Variants in DNAAF5 observed in about 807,000 individuals in gnomAD.
The protein encoded by DNAAF5 is HEAT repeat containing 2.
In DNAAF5, 64 loss-of-function variants were observed where a neutral mutation model predicts 75.8. The ratio of observed to expected loss-of-function variants is 0.84; its 90% CI spans 0.69 to 1.04. The LOEUF (loss-of-function observed/expected upper bound fraction) is 1.04. DNAAF5 is among the 50% of genes least tolerant of loss of function. The pLI is 0.00. For synonymous variants in DNAAF5, 657 were observed against 557.2 expected, an observed-to-expected ratio of 1.18 and a Z score of -2.52; for missense variants, 1,269 against 1,178.5, an observed-to-expected ratio of 1.08 and a Z score of -1.12.
chr7:733,565 C>T (rs549172371), intron 2 of DNAAF5, among the ~76,000 whole-genome samples: 2 of 152,278 alleles, frequency 1.3e-5, no homozygotes, highest in South Asian at 4.2e-4. Context: ...GGTGCGATCT[C>T]TGCTTACTGC....
intron 9 of DNAAF5, among the ~76,000 whole-genome samples, chr7:773,693 A>G (rs948830143): frequency 1.4e-4 from 21 of 152,022 alleles, no homozygotes; most frequent in African/African-American, 4.8e-5. Flanking sequence ...ACACCACCGC[A>G]CCTGCCCTAG....
At chr7:767,102 G>A (rs377406672) in intron 8 of DNAAF5, among the ~76,000 whole-genome samples, 9 of 152,186 alleles carry the variant, frequency 5.9e-5, no homozygotes, top group South Asian at 4.1e-4. Context: ...AGCTGGGTGC[G>A]GTGGCGGGCG....
At chr7:771,947 A>G (rs1778578224) in intron 9 of DNAAF5, 1 of 127,978 alleles carries the variant, frequency 7.8e-6, no homozygotes, top group Admixed American at 7.8e-5. Flanking sequence ...CTATTTTAAT[A>G]GGAAAGATTT....
At chr7:738,019 C>A (rs761238135) in intron 2 of DNAAF5, among the ~76,000 whole-genome samples, 38 of 152,338 alleles carry the variant, frequency 2.5e-4, no homozygotes, top group Middle Eastern at 6.8e-3. Context: ...CGATTTCTCT[C>A]TACCTGCTCT....
intron 8 of DNAAF5, among the ~76,000 whole-genome samples, chr7:769,887 G>A (rs1778495003): frequency 6.6e-6 from 1 of 152,038 alleles, no homozygotes; most frequent in African/African-American, 2.4e-5. Context: ...GTGACCTCAG[G>A]TCACCCATCT....
At chr7:753,774 G>T (rs1027308268) in intron 4 of DNAAF5, among the ~76,000 whole-genome samples, 3 of 145,448 alleles carry the variant, frequency 2.1e-5, no homozygotes, top group African/African-American at 7.9e-5. Flanking sequence ...CTTCGCAGGC[G>T]TGTCTCTCTC....
At chr7:780,533 A>G (rs1356979260) in intron 12 of DNAAF5, among the ~76,000 whole-genome samples, 13 of 152,250 alleles carry the variant, frequency 8.5e-5, no homozygotes, top group Non-Finnish European at 1.6e-4. Flanking sequence ...GGACTTTCAC[A>G]TCTTCCATAC....
chr7:752,082 G>T (rs954962250), intron 4 of DNAAF5, among the ~76,000 whole-genome samples: 3 of 152,210 alleles, frequency 2.0e-5, no homozygotes, highest in African/African-American at 7.2e-5. Flanking sequence ...CTTTCAGACC[G>T]ATGAGCAGAA....
intron 7 of DNAAF5, among the ~76,000 whole-genome samples, chr7:762,776 G>T (rs965798998): frequency 6.6e-6 from 1 of 151,926 alleles, no homozygotes; most frequent in African/African-American, 2.4e-5. Context: ...ACCATACCCG[G>T]CTAATTTTTA....
At chr7:752,666 G>T (rs1296321576) in intron 4 of DNAAF5, among the ~76,000 whole-genome samples, 1 of 152,130 alleles carries the variant, frequency 6.6e-6, no homozygotes, top group African/African-American at 2.4e-5. Flanking sequence ...CGTGGGCCGG[G>T]CCACGCTTCC....
intron 11 of DNAAF5, 169 bp from the exon 12 acceptor site, chr7:779,784 G>T: frequency 1.6e-6 from 1 of 616,860 alleles, no homozygotes; most frequent in Non-Finnish European, 2.8e-6. Context: ...CAGGTCGCCA[G>T]GAGCACCTTG....
chr7:729,992 C>T, intron 2 of DNAAF5, 145 bp downstream of exon 2: 1 of 751,792 alleles, frequency 1.3e-6, no homozygotes, highest in Non-Finnish European at 2.1e-6. Context: ...CAGGACGTTC[C>T]TGTTCACATC....
Position 761,733 on chromosome 7 carries a change from G to C in DNAAF5, c.1471-20G>C. 1 of 1,586,750 alleles carries C rather than the reference G, an allele frequency of 6.3e-7. No individual in the cohort carries two copies. Among genetic ancestry groups the C allele is most frequent in the Non-Finnish European group, 8.6e-7 (1 of 1,167,726 alleles). ...GACCAAATTGTACCAAGCTCTGACG[G>C]TGCTGCCGGTCTCTTCCAGGACCTC... On this transcript the variant is annotated intron_variant, in intron 6 of 12. Coordinates refer to ENST00000297440, the MANE Select transcript of DNAAF5 (RefSeq NM_017802.4).
At chr7:770,761 C>T in intron 9 of DNAAF5, 143 bp downstream of exon 9, 2 of 746,428 alleles carry the variant, frequency 2.7e-6, no homozygotes, top group South Asian at 4.4e-5. Flanking sequence ...CCCCATCTCC[C>T]TCCCCCACAC....
chr7:729,700 C>T lies in DNAAF5; in HGVS notation c.633C>T (p.Pro211=), dbSNP rs1458338452. ...FHMQSESLIG[P]LMQTISHQHW... ...TGCAGTCGGAGTCTCTGATCGGGCC[C>T]CTGATGCAGACCATCTCCCACCAGC... is the stretch of plus-strand genomic sequence containing the variant. The change falls in exon 2 of 13, where the codon CCC becomes CCT. Residue 211 remains proline, a synonymous_variant. Coordinates refer to ENST00000297440, the MANE Select transcript of DNAAF5 (RefSeq NM_017802.4). 1 of 1,614,090 alleles carries T rather than the reference C, an allele frequency of 6.2e-7. No homozygotes were observed. Among genetic ancestry groups the T allele is most frequent in the South Asian group, 1.1e-5 (1 of 91,086 alleles).
At chr7:751,245 T>C (rs931260111) in intron 4 of DNAAF5, among the ~76,000 whole-genome samples, 3 of 152,218 alleles carry the variant, frequency 2.0e-5, no homozygotes, top group Non-Finnish European at 4.4e-5. Context: ...GAATTTTAAT[T>C]ATTTGGAACT....
intron 2 of DNAAF5, among the ~76,000 whole-genome samples, chr7:730,167 C>T (rs1158313196): frequency 2.0e-5 from 3 of 152,130 alleles, no homozygotes; most frequent in East Asian, 1.9e-4. Flanking sequence ...CGCACTTTCC[C>T]GAAAAGCCAC....
In DNAAF5 at chr7:754,629, G is replaced by T; in HGVS notation, c.1065G>T (p.Arg355Ser). 6.2e-7 allele frequency: 1 copy of T among 1,614,126 alleles called. No homozygotes were observed. The highest frequency in any genetic ancestry group is 8.5e-7 in the Non-Finnish European group (1 of 1,180,010). Residue 355 changes from arginine to serine, a missense_variant, in exon 5 of 13, where the codon AGG becomes AGT. Transcript: ENST00000297440. The surrounding 1 kb of genome is among the most constrained non-coding windows in gnomAD (Gnocchi z 4.8). Reference sequence around the variant, plus strand: ...TGGGCTGCCGGGAGCTCGTCTTCAGGAACCTCTCCAAGATCCTCCCTGCCC... The same window carrying T: ...TGGGCTGCCGGGAGCTCGTCTTCAGTAACCTCTCCAAGATCCTCCCTGCCC... ...PVLGCRELVF[R>S]NLSKILPALC... is the part of the protein sequence containing the mutation.
At chr7:746,989 C>A (rs1036486358) in intron 4 of DNAAF5, among the ~76,000 whole-genome samples, 3 of 152,244 alleles carry the variant, frequency 2.0e-5, no homozygotes, top group African/African-American at 7.2e-5. Context: ...TCCTTCTTCG[C>A]GTGAGTCACG....
Sources: gnomAD v4.1 joint callset for allele counts (sites outside exome capture counted in the v4.1 genomes callset) on GRCh38, gnomAD v4.1.1 for gene constraint, Gnocchi (gnomAD v3.1) non-coding constraint, MANE v1.5 for transcripts, NCBI Gene and HGNC (gene_info 2026-07-23, HGNC 2026-07-21) for gene names.